DPH6: variants seen among roughly 807,000 people sequenced by gnomAD.
DPH6 encodes the protein diphthamine biosynthesis 6.
DPH6 carries 33 observed loss-of-function variants against 38.2 expected under a neutral mutation model. The observed-to-expected ratio is 0.86, with a 90% CI of 0.65 to 1.15. DPH6 has a LOEUF of 1.15. Ranked by LOEUF, DPH6 falls within the 50% of genes most tolerant of loss-of-function variation. The pLI is 0.00. For synonymous variants in DPH6, 108 were observed against 103.0 expected, an observed-to-expected ratio of 1.05 and a Z score of -0.30; for missense variants, 325 against 320.0, an observed-to-expected ratio of 1.02 and a Z score of -0.12.
At chr15:35,221,290 T>C (rs770822217) in intron 3 of DPH6, among the ~76,000 whole-genome samples, 3 of 152,130 alleles carry the variant, frequency 2.0e-5, no homozygotes, top group Non-Finnish European at 2.9e-5. Flanking sequence ...GGTTCTATAG[T>C]TCTGGGGTCT....
chr15:35,376,839 G>A (rs1052761133), intron 7 of DPH6, among the ~76,000 whole-genome samples: 2 of 152,140 alleles, frequency 1.3e-5, no homozygotes, highest in Non-Finnish European at 2.9e-5. Flanking sequence ...TAGGTATGTA[G>A]TAGGCTATAC....
At chr15:35,524,503 T>G (rs58025532) in intron 3 of DPH6, among the ~76,000 whole-genome samples, 14,134 of 152,202 alleles carry the variant, frequency 0.093, 903 homozygotes, top group African/African-American at 0.18. Context: ...GCACTATATA[T>G]GTACTGTAAT....
intron 5 of DPH6, among the ~76,000 whole-genome samples, chr15:35,444,620 T>C (rs900604908): frequency 1.3e-5 from 2 of 152,184 alleles, no homozygotes; most frequent in African/African-American, 4.8e-5. Context: ...TCCATAGCAA[T>C]TGGAATATTT....
intron 3 of DPH6, among the ~76,000 whole-genome samples, chr15:35,281,822 C>T (rs991934376): frequency 3.9e-5 from 6 of 152,118 alleles, no homozygotes; most frequent in African/African-American, 1.4e-4. Flanking sequence ...ACCGTAGATA[C>T]CTCAGGTAGC....
chr15:35,166,600 G>A, the DPH6 span, among the ~76,000 whole-genome samples: 2 of 151,964 alleles, frequency 1.3e-5, no homozygotes, highest in Non-Finnish European at 2.9e-5. Context: ...ATAAGATCCT[G>A]TTTTGACCTC....
Position 35,539,937 on chromosome 15 carries a change from A to C in DPH6, c.119-1470T>G, listed in dbSNP as rs535316471. Among the ~76,000 whole-genome samples the C allele has an allele frequency of 4.6e-5, 7 of 152,230 alleles. No individual in the cohort carries two copies. In the South Asian group the frequency reaches 1.4e-3, roughly 32 times the overall value. The stretch of plus-strand genomic sequence containing the variant: ...AAATGTTTCCACTCCTGGTCCCAGT[A>C]GGAAGTAGAGAACATAGCCAAAGTT... On this transcript the variant is annotated intron_variant, in intron 2 of 8. Transcript: ENST00000256538.
At chr15:35,375,455 C>T (rs2052767489) in intron 7 of DPH6, among the ~76,000 whole-genome samples, 4 of 152,078 alleles carry the variant, frequency 2.6e-5, no homozygotes, top group Admixed American at 2.6e-4. Flanking sequence ...CTCTCATATA[C>T]TATCACAGTG....
At chr15:35,219,096 G>A (rs532536135) in exon 4 of DPH6, 9 of 152,122 alleles carry the variant, frequency 5.9e-5, no homozygotes, top group African/African-American at 2.2e-4. Flanking sequence ...AAGAGCAACT[G>A]TCATTTTAAG....
intron 3 of DPH6, among the ~76,000 whole-genome samples, chr15:35,506,128 G>C (rs1030273139): frequency 6.6e-6 from 1 of 151,914 alleles, no homozygotes; most frequent in African/African-American, 2.4e-5. Context: ...GCATCATCAA[G>C]TTTATATCTT....
At position 35,222,485 on chromosome 15, in the gene DPH6, C is replaced by T. The variant is rs187027270; in HGVS notation, n.201-1903G>A. 2.6e-5 allele frequency among the ~76,000 whole-genome samples: 4 copies of T among 152,186 alleles called. No individual in the cohort carries two copies. In the East Asian group the frequency reaches 7.7e-4, roughly 29 times the overall value. ...TTTTAGGGAGACATGAGACATCAACCAATACATGTAAAATGTACAGTGGTT... is the reference window on the plus strand; with the variant it reads ...TTTTAGGGAGACATGAGACATCAACTAATACATGTAAAATGTACAGTGGTT... On this transcript the variant is annotated intron_variant and non_coding_transcript_variant, in intron 3 of 3. Coordinates refer to the DPH6 transcript ENST00000560386.
intron 6 of DPH6, chr15:35,401,505 C>T: frequency 1.3e-6 from 1 of 768,900 alleles, no homozygotes; most frequent in Non-Finnish European, 2.4e-6. Context: ...GCAGGAGTGA[C>T]AGCTATGACA....
chr15:35,185,366 C>T, the DPH6 span, among the ~76,000 whole-genome samples: 1 of 152,240 alleles, frequency 6.6e-6, no homozygotes, highest in South Asian at 2.1e-4. Context: ...GGATACTCAA[C>T]AAGCTGGAGT....
chr15:35,286,403 A>G (rs2051944052), intron 3 of DPH6, among the ~76,000 whole-genome samples: 1 of 152,204 alleles, frequency 6.6e-6, no homozygotes, highest in Non-Finnish European at 1.5e-5. Flanking sequence ...TCTTGATTAA[A>G]TCATTGATTG....
chr15:35,344,117 A>G (rs1328749441), intron 3 of DPH6, among the ~76,000 whole-genome samples: 2 of 152,038 alleles, frequency 1.3e-5, no homozygotes, highest in Non-Finnish European at 2.9e-5. Context: ...CATCAAGTCT[A>G]TGTTTTATTA....
intron 5 of DPH6, among the ~76,000 whole-genome samples, chr15:35,445,099 T>G (rs1444330740): frequency 6.6e-6 from 1 of 152,218 alleles, no homozygotes; most frequent in Non-Finnish European, 1.5e-5. Context: ...ACAAACATAC[T>G]CTGCATAACT....
intron 7 of DPH6, among the ~76,000 whole-genome samples, chr15:35,376,208 C>G (rs897423481): frequency 1.3e-5 from 2 of 152,064 alleles, no homozygotes; most frequent in Admixed American, 1.3e-4. Context: ...TCTACCCCAC[C>G]CTGAGCTCTG....
chr15:35,176,165 T>C, the DPH6 span, among the ~76,000 whole-genome samples: 695 of 152,376 alleles, frequency 4.6e-3, 3 homozygotes, highest in South Asian at 0.012. Context: ...TTTTGTAGGA[T>C]GCTAAGCACT....
chr15:35,374,333 C>T lies in DPH6; in HGVS notation c.663-725G>A, dbSNP rs922132403. On this transcript the variant is annotated intron_variant, in intron 7 of 8. Transcript: ENST00000256538. ...ACTGAAAATTTAAAAATAGAAATTC[C>T]TCATATCACTTTAGTGCCTTGGGAA... Among the ~76,000 whole-genome samples, 6 of 151,782 alleles carry T rather than the reference C, an allele frequency of 4.0e-5. No individual in the cohort carries two copies. In the East Asian group the frequency reaches 1.2e-3, roughly 29 times the overall value.
chr15:35,154,753 G>C, the DPH6 span, among the ~76,000 whole-genome samples: 1 of 152,108 alleles, frequency 6.6e-6, no homozygotes, highest in Non-Finnish European at 1.5e-5. Context: ...ACAGTGGCAG[G>C]TTCCTTTTAC....
Sources: allele counts gnomAD v4.1 joint callset (sites outside exome capture counted in the v4.1 genomes callset), GRCh38; gene constraint gnomAD v4.1.1; transcripts MANE v1.5; gene names NCBI Gene and HGNC (gene_info 2026-07-23, HGNC 2026-07-21).